The following VAC14 variants were observed in gnomAD, a reference collection of about 807,000 sequenced individuals.
The protein encoded by VAC14 is protein VAC14 homolog.
VAC14 carries 47 observed loss-of-function variants against 85.3 expected under a neutral mutation model. That is an observed-to-expected ratio of 0.55 (90% CI 0.44 to 0.70). The LOEUF (loss-of-function observed/expected upper bound fraction) is 0.70, where lower values mean the gene tolerates loss of function less well. Among genes scored for constraint, VAC14 ranks in the 30% least tolerant of loss-of-function variants. The probability of loss-of-function intolerance (pLI) is 0.00; values close to 1 mark genes in which losing one functional copy is unlikely to be tolerated. For synonymous variants in VAC14, 447 were observed against 430.5 expected, an observed-to-expected ratio of 1.04 and a Z score of -0.47; for missense variants, 861 against 1,004.3, an observed-to-expected ratio of 0.86 and a Z score of 1.93.
intron 12 of VAC14, among the ~76,000 whole-genome samples, chr16:70,757,776 G>A (rs2031990056): frequency 6.6e-6 from 1 of 152,192 alleles, no homozygotes; most frequent in African/African-American, 2.4e-5. Context: ...ACTGCTTATC[G>A]TGGGTTTATG....
At chr16:70,743,436 C>T (rs1420322742) in intron 13 of VAC14, among the ~76,000 whole-genome samples, 2 of 152,194 alleles carry the variant, frequency 1.3e-5, no homozygotes, top group African/African-American at 4.8e-5. Flanking sequence ...TTGTTCTTCA[C>T]AATAAATCTT....
chr16:70,724,525 T>C (rs1435305530), intron 14 of VAC14, among the ~76,000 whole-genome samples: 2 of 152,174 alleles, frequency 1.3e-5, no homozygotes, highest in East Asian at 1.9e-4. Context: ...CTCCCAACAG[T>C]CTTTTCTGTG....
rs570432176 is a variant in VAC14 at position 70,697,490 on chromosome 16, G to A, written c.1837-233C>T. 9.8e-5 allele frequency among the ~76,000 whole-genome samples: 15 copies of A among 152,362 alleles called. No individual in the cohort carries two copies. In the East Asian group the frequency reaches 1.9e-3, roughly 20 times the overall value. The stretch of plus-strand genomic sequence containing the variant: ...AGTCCCAGAGCTGTGTGGTGGCTGC[G>A]AGGGCCTGGCTGGGAGTGGCTGTCC... On this transcript the variant is annotated intron_variant, in intron 15 of 18. Transcript: ENST00000261776.
intron 9 of VAC14, among the ~76,000 whole-genome samples, chr16:70,774,991 A>G (rs55789619): frequency 0.074 from 11,215 of 151,900 alleles, 1,352 homozygotes; most frequent in African/African-American, 0.26. Context: ...ACCTCAAGTG[A>G]TTGATCCACC....
intron 14 of VAC14, among the ~76,000 whole-genome samples, chr16:70,709,625 T>G (rs990093073): frequency 6.6e-6 from 1 of 152,156 alleles, no homozygotes; most frequent in Non-Finnish European, 1.5e-5. Context: ...GCAGCCATAG[T>G]TCTGTAGCCT....
intron 14 of VAC14, among the ~76,000 whole-genome samples, chr16:70,704,040 C>T (rs967200133): frequency 2.0e-5 from 3 of 152,246 alleles, no homozygotes; most frequent in Admixed American, 6.5e-5. Context: ...TCCCTCCCAT[C>T]ACTAACACTG....
intron 13 of VAC14, among the ~76,000 whole-genome samples, chr16:70,736,146 G>C (rs2054743723): frequency 1.3e-5 from 2 of 152,212 alleles, no homozygotes; most frequent in Admixed American, 1.3e-4. Context: ...CAGCCTCACA[G>C]GGGCAGTAGG....
intron 10 of VAC14, among the ~76,000 whole-genome samples, chr16:70,764,503 A>G (rs2032656115): frequency 6.6e-6 from 1 of 152,178 alleles, no homozygotes; most frequent in South Asian, 2.1e-4. Flanking sequence ...TCAATCTCTT[A>G]ATCAGTTTCT....
intron 14 of VAC14, among the ~76,000 whole-genome samples, chr16:70,707,405 G>A (rs1490410696): frequency 1.3e-5 from 2 of 152,194 alleles, no homozygotes; most frequent in African/African-American, 4.8e-5. Flanking sequence ...GGGAGCTGGT[G>A]GAAAGGGGAT....
chr16:70,695,406 A>G, intron 17 of VAC14, 138 bp downstream of exon 17: 3 of 823,118 alleles, frequency 3.6e-6, no homozygotes, highest in Non-Finnish European at 5.9e-6. Context: ...CATTCTCAAC[A>G]TTCCAGAAGC....
chr16:70,729,396 G>C (rs1284339259), intron 14 of VAC14, among the ~76,000 whole-genome samples: 1 of 152,090 alleles, frequency 6.6e-6, no homozygotes, highest in Non-Finnish European at 1.5e-5. Flanking sequence ...TTGTCTTTCT[G>C]GTCAGGCAGG....
At chr16:70,737,887 C>T (rs1227757097) in intron 13 of VAC14, among the ~76,000 whole-genome samples, 1 of 152,220 alleles carries the variant, frequency 6.6e-6, no homozygotes, top group East Asian at 1.9e-4. Context: ...CAGTTCAGGC[C>T]CAGCAGGGTC....
chr16:70,796,700 T>C (rs1304327908), intron 1 of VAC14, among the ~76,000 whole-genome samples: 1 of 152,220 alleles, frequency 6.6e-6, no homozygotes, highest in Non-Finnish European at 1.5e-5. Flanking sequence ...GAAGCTTTTC[T>C]ATATCCTCCC....
intron 12 of VAC14, among the ~76,000 whole-genome samples, chr16:70,760,962 G>GGTGTGTGTGTGTGTGTGT (rs10671938): frequency 3.6e-4 from 17 of 47,622 alleles, no homozygotes; most frequent in Admixed American, 7.9e-4. Flanking sequence ...ACGAAGAGAG[G>GGTGTGTGTGTGTGTGTGT]GTGTGTGTGT....
intron 14 of VAC14, among the ~76,000 whole-genome samples, chr16:70,727,584 C>T (rs748537785): frequency 1.3e-5 from 2 of 152,232 alleles, no homozygotes; most frequent in Non-Finnish European, 2.9e-5. Context: ...GTGATCCGCA[C>T]ACCTCGGCCT....
At chr16:70,731,734 G>C in intron 13 of VAC14, 107 bp from the exon 14 acceptor site, 1 of 1,245,968 alleles carries the variant, frequency 8.0e-7, no homozygotes, top group Non-Finnish European at 1.1e-6. Flanking sequence ...GATGTGTGTG[G>C]GGGGTGTTAT....
At chr16:70,727,496 T>G (rs1319798425) in intron 14 of VAC14, among the ~76,000 whole-genome samples, 1 of 152,192 alleles carries the variant, frequency 6.6e-6, no homozygotes, top group Non-Finnish European at 1.5e-5. Flanking sequence ...TGTGCCACCA[T>G]GCCTGGCTAA....
chr16:70,732,351 C>T (rs892469435), intron 13 of VAC14, among the ~76,000 whole-genome samples: 3 of 152,224 alleles, frequency 2.0e-5, no homozygotes, highest in African/African-American at 7.2e-5. Flanking sequence ...GACTTTCTAA[C>T]CAGGAGCACA....
rs781299675 is a variant in VAC14, at chr16:70,783,064, G to A, written c.780C>T (p.Ala260=). 7.4e-6 allele frequency: 12 copies of A among 1,614,012 alleles called. No individual in the cohort carries two copies. The change falls in exon 7 of 19, where the codon GCC becomes GCT. Residue 260 remains alanine, a synonymous_variant. Transcript: ENST00000261776. ...NPSSVKFAEM[A]NILVIHCQTT... is the part of the protein sequence containing the mutation. ...TCTGGCAGTGGATCACCAGGATGTTGGCCATCTCAGCAAACTTCACACTGG... is the reference window on the plus strand; with the variant it reads ...TCTGGCAGTGGATCACCAGGATGTTAGCCATCTCAGCAAACTTCACACTGG...
Sources: allele counts gnomAD v4.1 joint callset (sites outside exome capture counted in the v4.1 genomes callset), GRCh38; gene constraint gnomAD v4.1.1; transcripts MANE v1.5; gene names NCBI Gene and HGNC (gene_info 2026-07-23, HGNC 2026-07-21).